CXCL13: variants seen among roughly 807,000 people sequenced by gnomAD.
The protein encoded by CXCL13 is C-X-C motif chemokine ligand 13, also known as C-X-C motif chemokine 13.
Under a neutral mutation model 12.2 loss-of-function variants are expected in CXCL13, and 7 were observed. That is an observed-to-expected ratio of 0.57 (90% CI 0.33 to 1.07). The LOEUF is 1.07. Among genes scored for constraint, CXCL13 ranks in the 50% least tolerant of loss-of-function variants. CXCL13 has a pLI of 0.04. For synonymous variants in CXCL13, 47 were observed against 42.4 expected, an observed-to-expected ratio of 1.11 and a Z score of -0.42; for missense variants, 113 against 127.4, an observed-to-expected ratio of 0.89 and a Z score of 0.55.
chr4:77,565,784 G>A (rs1725913769), intron 1 of CXCL13, among the ~76,000 whole-genome samples: 1 of 152,138 alleles, frequency 6.6e-6, no homozygotes, highest in Non-Finnish European at 1.5e-5. Flanking sequence ...GAGGCAATAG[G>A]AAGTGCAGAC....
intron 1 of CXCL13, among the ~76,000 whole-genome samples, chr4:77,512,755 A>G (rs552613892): frequency 6.6e-6 from 1 of 152,300 alleles, no homozygotes; most frequent in East Asian, 1.9e-4. Flanking sequence ...TTTAACCCAG[A>G]ACATTACTTT....
chr4:77,573,332 G>C (rs1159825019), intron 1 of CXCL13, among the ~76,000 whole-genome samples: 1 of 150,622 alleles, frequency 6.6e-6, no homozygotes. Context: ...CTCAAGACTA[G>C]AGTTCCAAGA....
chr4:77,577,578 AAATACTATTGACAGC>A (rs1424337500), intron 1 of CXCL13, among the ~76,000 whole-genome samples: 2 of 152,204 alleles, frequency 1.3e-5, no homozygotes, highest in African/African-American at 4.8e-5. Context: ...TAGGAAATGC[AAATACTATTGACAGC>A]AGTGGAGGTA....
At chr4:77,593,143 A>G (rs1160538807) in intron 1 of CXCL13, among the ~76,000 whole-genome samples, 1 of 152,136 alleles carries the variant, frequency 6.6e-6, no homozygotes, top group African/African-American at 2.4e-5. Context: ...TTCCCACACC[A>G]ACAAGGTAAG....
chr4:77,528,492 T>C lies in CXCL13; in HGVS notation c.-43+16704T>C, dbSNP rs1169071407. Among the ~76,000 whole-genome samples, 4 of 152,344 alleles carry C rather than the reference T, an allele frequency of 2.6e-5. 1 individual carries two copies. Among genetic ancestry groups the C allele is most frequent in the African/African-American group, 9.6e-5 (4 of 41,586 alleles). On this transcript the variant is annotated intron_variant, in intron 1 of 4. Transcript: ENST00000286758. ...ATTCTAAGTGGTGTGAGATGGTATC[T>C]CATTGTGGTTTTGATTTGCATTTCT...
intron 1 of CXCL13, among the ~76,000 whole-genome samples, chr4:77,538,990 T>G (rs995179923): frequency 3.7e-4 from 56 of 151,818 alleles, no homozygotes; most frequent in African/African-American, 1.2e-3. Context: ...AGAGCAGGAA[T>G]GAAAGTGTAC....
intron 1 of CXCL13, among the ~76,000 whole-genome samples, chr4:77,566,967 G>A (rs978604434): frequency 4.6e-5 from 7 of 152,186 alleles, no homozygotes; most frequent in African/African-American, 1.7e-4. Flanking sequence ...AGCAACTGAA[G>A]ATTCACAAAT....
chr4:77,552,639 G>A (rs1331008906), intron 1 of CXCL13, among the ~76,000 whole-genome samples: 1 of 152,252 alleles, frequency 6.6e-6, no homozygotes, highest in Non-Finnish European at 1.5e-5. Flanking sequence ...TCCCCTGATG[G>A]CAGACACAAG....
chr4:77,559,108 G>T (rs1368999775), intron 1 of CXCL13, among the ~76,000 whole-genome samples: 3 of 152,110 alleles, frequency 2.0e-5, no homozygotes, highest in Non-Finnish European at 2.9e-5. Flanking sequence ...ACCATCTCAC[G>T]CTGGGATTGT....
chr4:77,547,488 G>T (rs1159130668), intron 1 of CXCL13, among the ~76,000 whole-genome samples: 1 of 152,142 alleles, frequency 6.6e-6, no homozygotes, highest in African/African-American at 2.4e-5. Flanking sequence ...ATTATGTAAT[G>T]ACCTTCTTTG....
At chr4:77,559,778 C>T (rs528534216) in intron 1 of CXCL13, among the ~76,000 whole-genome samples, 3 of 151,878 alleles carry the variant, frequency 2.0e-5, no homozygotes, top group African/African-American at 4.8e-5. Context: ...AAAAATTAGT[C>T]GGGCATGGTG....
intron 1 of CXCL13, among the ~76,000 whole-genome samples, chr4:77,537,874 G>A (rs954993292): frequency 6.6e-6 from 1 of 152,164 alleles, no homozygotes; most frequent in Non-Finnish European, 1.5e-5. Context: ...CTAGAGGGAT[G>A]AACTCTTGAT....
At chr4:77,572,990 A>G (rs1264307711) in intron 1 of CXCL13, among the ~76,000 whole-genome samples, 2 of 151,904 alleles carry the variant, frequency 1.3e-5, no homozygotes, top group Non-Finnish European at 2.9e-5. Flanking sequence ...AGGAAAAAAA[A>G]ACTGAATACC....
At chr4:77,586,568 T>A (rs1057340952) in intron 1 of CXCL13, among the ~76,000 whole-genome samples, 1 of 152,140 alleles carries the variant, frequency 6.6e-6, no homozygotes, top group Non-Finnish European at 1.5e-5. Context: ...AGCAAGCGCC[T>A]TGGGCAAAGG....
At chr4:77,577,811 G>A (rs1180015490) in intron 1 of CXCL13, among the ~76,000 whole-genome samples, 2 of 152,144 alleles carry the variant, frequency 1.3e-5, no homozygotes, top group Admixed American at 1.3e-4. Context: ...GGGAACCAGG[G>A]AGACCTGCTC....
At chr4:77,533,229 T>A (rs547938548) in intron 1 of CXCL13, among the ~76,000 whole-genome samples, 2 of 152,338 alleles carry the variant, frequency 1.3e-5, no homozygotes, top group East Asian at 3.9e-4. Context: ...ATGTCCTTTG[T>A]GTTTGTTAGT....
intron 1 of CXCL13, among the ~76,000 whole-genome samples, chr4:77,581,847 T>C (rs1217719215): frequency 6.6e-6 from 1 of 152,188 alleles, no homozygotes; most frequent in Non-Finnish European, 1.5e-5. Context: ...GTCTCATCTC[T>C]TGCATTCATT....
chr4:77,550,619 G>A (rs1725492145), intron 1 of CXCL13, among the ~76,000 whole-genome samples: 1 of 152,194 alleles, frequency 6.6e-6, no homozygotes, highest in African/African-American at 2.4e-5. Context: ...GGAGTATTCT[G>A]TAGATGTCCT....
intron 1 of CXCL13, among the ~76,000 whole-genome samples, chr4:77,600,498 C>A (rs1347518727): frequency 6.6e-6 from 1 of 151,878 alleles, no homozygotes; most frequent in Non-Finnish European, 1.5e-5. Flanking sequence ...TAAATATATG[C>A]CGAATGAGAA....
Sources: gnomAD v4.1 joint callset for allele counts (sites outside exome capture counted in the v4.1 genomes callset) on GRCh38, gnomAD v4.1.1 for gene constraint, MANE v1.5 for transcripts, NCBI Gene and HGNC (gene_info 2026-07-23, HGNC 2026-07-21) for gene names.